SLIT3: variants seen among roughly 807,000 people sequenced by gnomAD.
SLIT3 encodes slit homolog 3 protein.
SLIT3 carries 68 observed loss-of-function variants against 184.0 expected under a neutral mutation model. The observed-to-expected ratio is 0.37, with a 90% CI of 0.30 to 0.45. The LOEUF (loss-of-function observed/expected upper bound fraction) is 0.45, where lower values mean the gene tolerates loss of function less well. SLIT3 is among the 20% of genes least tolerant of loss of function. The pLI is 1.00. For missense variants in SLIT3, 1,707 were observed against 2,026.0 expected, an observed-to-expected ratio of 0.84 and a Z score of 3.02; for synonymous variants, 831 against 828.6, an observed-to-expected ratio of 1.00 and a Z score of -0.05.
chr5:169,275,323 A>G (rs1766765558), intron 1 of SLIT3, among the ~76,000 whole-genome samples: 1 of 152,214 alleles, frequency 6.6e-6, no homozygotes, highest in South Asian at 2.1e-4. Flanking sequence ...ATGAGATTCA[A>G]GTTCAGCCCT....
chr5:169,002,342 AAAAAAAAAAAAAAG>A, intron 4 of SLIT3, among the ~76,000 whole-genome samples: 1 of 147,422 alleles, frequency 6.8e-6, no homozygotes, highest in African/African-American at 2.5e-5. Flanking sequence ...AAAAAAAAAA[AAAAAAAAAAAAAAG>A]AAAAAAAGAA....
At chr5:168,753,723 A>G (rs1160381405) in intron 17 of SLIT3, 141 bp downstream of exon 17, 6 of 974,290 alleles carry the variant, frequency 6.2e-6, no homozygotes, top group Non-Finnish European at 7.6e-6. Context: ...AGAATGTCTG[A>G]TGACTCTGAC....
chr5:169,285,443 T>C (rs1170773073), intron 1 of SLIT3, among the ~76,000 whole-genome samples: 1 of 152,204 alleles, frequency 6.6e-6, no homozygotes, highest in East Asian at 1.9e-4. Flanking sequence ...ATGATGATCA[T>C]AACTATATAG....
At chr5:169,060,870 T>C (rs960482597) in intron 4 of SLIT3, among the ~76,000 whole-genome samples, 3 of 152,196 alleles carry the variant, frequency 2.0e-5, no homozygotes, top group Non-Finnish European at 2.9e-5. Context: ...TCATGGCCCC[T>C]CTAGCTGTCT....
intron 4 of SLIT3, among the ~76,000 whole-genome samples, chr5:169,161,507 G>T (rs979452671): frequency 7.2e-5 from 11 of 152,150 alleles, no homozygotes; most frequent in African/African-American, 2.4e-4. Flanking sequence ...CAGCCTGAAG[G>T]CCTCTTTAAA....
intron 6 of SLIT3, among the ~76,000 whole-genome samples, chr5:168,838,665 C>G (rs1177487281): frequency 2.6e-5 from 4 of 152,084 alleles, no homozygotes; most frequent in Admixed American, 6.5e-5. Flanking sequence ...GACACCAACC[C>G]CGCTCTAGGA....
chr5:169,151,045 A>C (rs1010046673), intron 4 of SLIT3, among the ~76,000 whole-genome samples: 12 of 152,098 alleles, frequency 7.9e-5, no homozygotes, highest in Non-Finnish European at 1.3e-4. Context: ...GGAAAAAAAA[A>C]CTCTAAAAAT....
chr5:168,968,463 G>A (rs747184687), intron 4 of SLIT3, among the ~76,000 whole-genome samples: 18 of 152,140 alleles, frequency 1.2e-4, no homozygotes, highest in Non-Finnish European at 1.9e-4. Flanking sequence ...CAACAGTCTC[G>A]CTGCCAACTT....
chr5:169,284,075 T>TA (rs1452451607), intron 1 of SLIT3, among the ~76,000 whole-genome samples: 2 of 151,592 alleles, frequency 1.3e-5, no homozygotes, highest in East Asian at 1.9e-4. Context: ...AACAATGCTG[T>TA]AAAAAAAAGG....
At chr5:168,712,423 C>G (rs529194521) in intron 23 of SLIT3, 69 bp from the exon 24 acceptor site, 2 of 1,367,468 alleles carry the variant, frequency 1.5e-6, no homozygotes, top group African/African-American at 2.9e-5. Context: ...CTCAGGGCCT[C>G]CAGTGCCTGG....
At chr5:168,954,878 T>C (rs1043782496) in intron 4 of SLIT3, among the ~76,000 whole-genome samples, 2 of 152,252 alleles carry the variant, frequency 1.3e-5, no homozygotes, top group African/African-American at 2.4e-5. Context: ...TCAAGCAAAA[T>C]GAAAGCTCTG....
chr5:169,030,944 G>T (rs1757005681), intron 4 of SLIT3, among the ~76,000 whole-genome samples: 1 of 152,116 alleles, frequency 6.6e-6, no homozygotes, highest in Non-Finnish European at 1.5e-5. Context: ...TCGGGCTCTT[G>T]CATGCTTCTT....
chr5:169,110,508 C>G (rs377207479), intron 4 of SLIT3, among the ~76,000 whole-genome samples: 7 of 152,168 alleles, frequency 4.6e-5, no homozygotes, highest in Non-Finnish European at 7.3e-5. Context: ...AAGGCATTCT[C>G]TCTGTACCCT....
intron 4 of SLIT3, among the ~76,000 whole-genome samples, chr5:169,074,317 C>T (rs189372628): frequency 6.6e-5 from 10 of 152,280 alleles, no homozygotes; most frequent in Middle Eastern, 3.4e-3. Context: ...TCATTTTTAA[C>T]GCATTCCTTT....
At chr5:169,223,796 T>C (rs561516321) in intron 3 of SLIT3, among the ~76,000 whole-genome samples, 11 of 152,152 alleles carry the variant, frequency 7.2e-5, no homozygotes, top group South Asian at 2.1e-4. Context: ...GCTTTTTTTT[T>C]CCAAGGGCTG....
intron 4 of SLIT3, among the ~76,000 whole-genome samples, chr5:168,943,262 G>GTGT (rs952246515): frequency 6.6e-6 from 1 of 152,150 alleles, no homozygotes; most frequent in Non-Finnish European, 1.5e-5. Context: ...CAGCTCCATG[G>GTGT]TGTTGTCTGC....
At position 169,148,084 on chromosome 5, in the gene SLIT3, C is replaced by T. The variant is rs182031324; in HGVS notation, c.413+45395G>A. ...TTGGAAGTCAGCCATCATATCTCCA[C>T]GTACCAGGTTCCAATCTCAGGTCCT... On this transcript the variant is annotated intron_variant, in intron 4 of 35. Transcript: ENST00000519560. Among the ~76,000 whole-genome samples, 429 of 152,308 alleles carry T rather than the reference C, an allele frequency of 2.8e-3. 1 individual carries two copies. Among genetic ancestry groups the T allele is most frequent in the African/African-American group, 9.7e-3 (403 of 41,554 alleles).
intron 4 of SLIT3, among the ~76,000 whole-genome samples, chr5:168,907,979 T>TAGAGAGAGAGAGAGAGAGAGAGAGAG (rs70979109): frequency 2.0e-5 from 1 of 50,088 alleles, no homozygotes; most frequent in African/African-American, 1.3e-4. Context: ...TATATATATA[T>TAGAGAGAGAGAGAGAGAGAGAGAGAG]AGAGAGAGAG....
intron 5 of SLIT3, among the ~76,000 whole-genome samples, chr5:168,864,931 A>G (rs1245526475): frequency 1.2e-4 from 18 of 151,894 alleles, no homozygotes; most frequent in Non-Finnish European, 2.4e-4. Context: ...ACTTTGGGAG[A>G]CCGAGGCGGG....
Sources: gnomAD v4.1 joint callset for allele counts (sites outside exome capture counted in the v4.1 genomes callset) on GRCh38, gnomAD v4.1.1 for gene constraint, MANE v1.5 for transcripts, NCBI Gene and HGNC (gene_info 2026-07-23, HGNC 2026-07-21) for gene names.